The following MAPKAP1 variants were observed in gnomAD, a reference collection of about 807,000 sequenced individuals.
The protein encoded by MAPKAP1 is target of rapamycin complex 2 subunit MAPKAP1.
Under a neutral mutation model 65.7 loss-of-function variants are expected in MAPKAP1, and 20 were observed. That is an observed-to-expected ratio of 0.30 (90% confidence interval 0.21 to 0.44). The LOEUF is 0.44. Among genes scored for constraint, MAPKAP1 ranks in the 20% least tolerant of loss-of-function variants. MAPKAP1 has a pLI of 1.00. For synonymous variants in MAPKAP1, 222 were observed against 244.3 expected, an observed-to-expected ratio of 0.91 and a Z score of 0.85; for missense variants, 423 against 648.0, an observed-to-expected ratio of 0.65 and a Z score of 3.77.
intron 4 of MAPKAP1, among the ~76,000 whole-genome samples, chr9:125,640,955 T>C (rs946256931): frequency 1.3e-5 from 2 of 152,226 alleles, no homozygotes; most frequent in Non-Finnish European, 2.9e-5. Flanking sequence ...TGAAATAGTA[T>C]AAACTCCAAA....
At chr9:125,458,856 CT>C (rs1403045891) in intron 10 of MAPKAP1, among the ~76,000 whole-genome samples, 380 of 29,612 alleles carry the variant, frequency 0.013, 3 homozygotes, top group South Asian at 0.022. Flanking sequence ...CTGACCCCCC[CT>C]ACCTCCCTCC....
intron 7 of MAPKAP1, among the ~76,000 whole-genome samples, chr9:125,511,361 A>G (rs1829296711): frequency 6.6e-6 from 1 of 152,170 alleles, no homozygotes; most frequent in Non-Finnish European, 1.5e-5. Context: ...TTATAAACCC[A>G]CTTAAGAGAG....
chr9:125,513,920 A>C (rs1829384254), intron 7 of MAPKAP1, among the ~76,000 whole-genome samples: 2 of 152,226 alleles, frequency 1.3e-5, no homozygotes, highest in African/African-American at 4.8e-5. Context: ...AGACTTGCTC[A>C]GCAGCCAGGA....
chr9:125,538,896 A>G (rs1485909853), intron 7 of MAPKAP1, among the ~76,000 whole-genome samples: 1 of 152,202 alleles, frequency 6.6e-6, no homozygotes, highest in African/African-American at 2.4e-5. Flanking sequence ...TTTACATGAA[A>G]TTTTTAAGAT....
At chr9:125,585,314 A>G (rs1831746736) in intron 5 of MAPKAP1, among the ~76,000 whole-genome samples, 1 of 152,214 alleles carries the variant, frequency 6.6e-6, no homozygotes, top group African/African-American at 2.4e-5. Flanking sequence ...GGGATCATAA[A>G]AGGGTTTGGA....
At chr9:125,470,951 C>A (rs2132998857) in intron 9 of MAPKAP1, 1 of 152,214 alleles carries the variant, frequency 6.6e-6, no homozygotes, top group East Asian at 1.9e-4. Context: ...GTTTCTCTGC[C>A]CTGTAGGCTT....
chr9:125,546,683 G>A (rs1043852370), intron 6 of MAPKAP1, among the ~76,000 whole-genome samples: 1 of 152,176 alleles, frequency 6.6e-6, no homozygotes, highest in African/African-American at 2.4e-5. Context: ...TGGGTTTGAA[G>A]CTGAGAAGAC....
intron 1 of MAPKAP1, among the ~76,000 whole-genome samples, chr9:125,698,280 T>TATATATAA (rs1241901142): frequency 8.0e-5 from 2 of 24,886 alleles, no homozygotes; most frequent in Non-Finnish European, 1.2e-4. Flanking sequence ...TAATACATAA[T>TATATATAA]ATATATAAAT....
At chr9:125,703,311 G>A (rs1345944266) in intron 1 of MAPKAP1, among the ~76,000 whole-genome samples, 1 of 152,140 alleles carries the variant, frequency 6.6e-6, no homozygotes, top group African/African-American at 2.4e-5. Flanking sequence ...TTTTTGGCCA[G>A]TTTTTTGTGG....
intron 10 of MAPKAP1, among the ~76,000 whole-genome samples, chr9:125,446,655 C>G (rs1852727070): frequency 1.3e-5 from 2 of 152,142 alleles, no homozygotes; most frequent in South Asian, 4.1e-4. Context: ...GGCATTCCTG[C>G]TGACAACTGG....
At chr9:125,644,001 T>C (rs1286703105) in intron 4 of MAPKAP1, among the ~76,000 whole-genome samples, 3 of 152,182 alleles carry the variant, frequency 2.0e-5, no homozygotes, top group Non-Finnish European at 4.4e-5. Context: ...CCAGGAAATA[T>C]CAAGTCTTAA....
chr9:125,665,587 C>T lies in MAPKAP1; in HGVS notation c.349+4231G>A, dbSNP rs139327672. Among the ~76,000 whole-genome samples the T allele has an allele frequency of 3.8e-4, 58 of 151,624 alleles. 1 individual carries two copies. In the East Asian group the frequency reaches 9.9e-3, roughly 26 times the overall value. On this transcript the variant is annotated intron_variant, in intron 3 of 11. Coordinates refer to ENST00000265960, the MANE Select transcript of MAPKAP1 (RefSeq NM_001006617.3). The stretch of plus-strand genomic sequence containing the variant: ...TTGCTGACTCTTTTCGGACTCAGCC[C>T]GCCTGCACCCAGATGAAATAAACAG...
intron 4 of MAPKAP1, among the ~76,000 whole-genome samples, chr9:125,643,170 G>C (rs900039567): frequency 6.7e-6 from 1 of 149,132 alleles, no homozygotes; most frequent in African/African-American, 2.5e-5. Flanking sequence ...AAAGTGCTGG[G>C]ATTACTGACA....
intron 11 of MAPKAP1, among the ~76,000 whole-genome samples, chr9:125,443,886 C>T (rs933016316): frequency 6.6e-6 from 1 of 152,146 alleles, no homozygotes; most frequent in Non-Finnish European, 1.5e-5. Flanking sequence ...GACACACCCA[C>T]ACCTTTGAGA....
intron 8 of MAPKAP1, among the ~76,000 whole-genome samples, chr9:125,503,773 G>A (rs777146861): frequency 1.3e-5 from 2 of 149,994 alleles, no homozygotes; most frequent in African/African-American, 2.5e-5. Flanking sequence ...CTGGAGTGCA[G>A]TGGCACGATC....
chr9:125,602,512 T>C (rs1174753677), intron 4 of MAPKAP1, among the ~76,000 whole-genome samples: 1 of 151,628 alleles, frequency 6.6e-6, no homozygotes, highest in African/African-American at 2.4e-5. Context: ...ATACAAACTG[T>C]CAGACAAATT....
chr9:125,495,436 T>C (rs971657784), intron 8 of MAPKAP1, among the ~76,000 whole-genome samples: 3 of 152,188 alleles, frequency 2.0e-5, no homozygotes, highest in African/African-American at 7.2e-5. Flanking sequence ...CAAACATGCT[T>C]CCTTACTGCT....
intron 4 of MAPKAP1, among the ~76,000 whole-genome samples, chr9:125,616,245 A>C (rs1832745015): frequency 6.6e-6 from 1 of 152,224 alleles, no homozygotes; most frequent in Non-Finnish European, 1.5e-5. Flanking sequence ...AGATGGATTA[A>C]TTATTTAACT....
chr9:125,553,835 G>A (rs1412785497), intron 6 of MAPKAP1, among the ~76,000 whole-genome samples: 1 of 152,002 alleles, frequency 6.6e-6, no homozygotes, highest in Non-Finnish European at 1.5e-5. Flanking sequence ...CCAGGAGTTT[G>A]AGACCAGCCT....
Sources: gnomAD v4.1 joint callset for allele counts (sites outside exome capture counted in the v4.1 genomes callset) on GRCh38, gnomAD v4.1.1 for gene constraint, MANE v1.5 for transcripts, NCBI Gene and HGNC (gene_info 2026-07-23, HGNC 2026-07-21) for gene names.